PCSK5: variants seen among roughly 807,000 people sequenced by gnomAD.
The protein encoded by PCSK5 is proprotein convertase subtilisin/kexin type 5, also known as prohormone convertase 5.
A neutral mutation model predicts 233.2 loss-of-function variants in PCSK5; 129 were observed. The ratio of observed to expected loss-of-function variants is 0.55; its 90% CI spans 0.48 to 0.64. The LOEUF (loss-of-function observed/expected upper bound fraction) is 0.64. Among genes scored for constraint, PCSK5 ranks in the 30% least tolerant of loss-of-function variants. The probability of loss-of-function intolerance (pLI) is 0.00; values close to 1 mark genes in which losing one functional copy is unlikely to be tolerated. For missense variants in PCSK5, 2,076 were observed against 2,430.1 expected (o/e 0.85, Z 3.06); for synonymous variants, 825 against 879.2 (o/e 0.94, Z 1.09).
chr9:76,152,908 G>A (rs1823733269), intron 10 of PCSK5, among the ~76,000 whole-genome samples: 1 of 152,084 alleles, frequency 6.6e-6, no homozygotes, highest in Non-Finnish European at 1.5e-5. Context: ...CAGCACTTCC[G>A]GTCTCATCAG....
intron 2 of PCSK5, among the ~76,000 whole-genome samples, chr9:75,983,048 A>G (rs1473371812): frequency 2.0e-5 from 3 of 152,164 alleles, no homozygotes; most frequent in African/African-American, 7.2e-5. Flanking sequence ...CTGATTTAGA[A>G]TAATACCATT....
chr9:75,914,955 C>T (rs1420682284), intron 1 of PCSK5, among the ~76,000 whole-genome samples: 2 of 152,130 alleles, frequency 1.3e-5, no homozygotes, highest in Non-Finnish European at 2.9e-5. Flanking sequence ...AAATATTCCA[C>T]ACTTTGATAC....
At position 76,332,333 on chromosome 9, in the gene PCSK5, A is replaced by G. The variant is rs1238991836; in HGVS notation, c.4571-100A>G. 11 of 769,540 alleles carry G rather than the reference A, an allele frequency of 1.4e-5. No homozygotes were observed. The East Asian group carries it at 2.6e-4, about 18-fold the overall frequency. The allele number at this position is 769,540 out of a possible 1,614,324, so 47.7% of individuals were successfully genotyped here. A position where few individuals can be genotyped will look rare whatever the true frequency, so the allele number is the denominator to read the frequency against. ...CACAGGATCATCCCATTCCTCCTGCAGCCCTCTCCTCCCTCCCGCCATGGT... is the reference window on the plus strand; with the variant it reads ...CACAGGATCATCCCATTCCTCCTGCGGCCCTCTCCTCCCTCCCGCCATGGT... On this transcript the variant is annotated intron_variant, in intron 33 of 37. Coordinates refer to ENST00000674117, the MANE Select transcript of PCSK5 (RefSeq NM_001372043.1).
In PCSK5 at chr9:76,310,800, C is replaced by T. The variant is rs776873991; in HGVS notation, c.3833C>T (p.Pro1278Leu). 14 of 1,611,320 alleles carry T rather than the reference C, an allele frequency of 8.7e-6. No homozygotes were observed. The highest frequency in any genetic ancestry group is 2.2e-5 in the East Asian group (1 of 44,804). ...ADLCKKCQMQ[P>L]GHPLFLHEGR... Reference sequence around the variant, plus strand: ...CTTTGCAAAAAATGCCAGATGCAGCCGGGCCACCCTCTCTTCCTCCATGAA... The same window carrying T: ...CTTTGCAAAAAATGCCAGATGCAGCTGGGCCACCCTCTCTTCCTCCATGAA... The change falls in exon 30 of 38, where the codon CCG becomes CTG. Residue 1278 changes from proline (P) to leucine (L), a missense_variant. By Grantham distance (98) the Pro-to-Leu change is moderately conservative. Coordinates refer to ENST00000674117, the MANE Select transcript of PCSK5 (RefSeq NM_001372043.1).
At chr9:75,967,563 G>T (rs1440585491) in intron 2 of PCSK5, among the ~76,000 whole-genome samples, 1 of 152,114 alleles carries the variant, frequency 6.6e-6, no homozygotes, top group Non-Finnish European at 1.5e-5. Context: ...ATTAAGCTTG[G>T]GTGCCTATTT....
chr9:76,144,795 T>C (rs1028792196), intron 10 of PCSK5, among the ~76,000 whole-genome samples: 6 of 152,192 alleles, frequency 3.9e-5, no homozygotes, highest in African/African-American at 1.4e-4. Context: ...TGTTTCTTCA[T>C]TGGCAAAATA....
chr9:76,067,125 G>A (rs1260604941), intron 5 of PCSK5, among the ~76,000 whole-genome samples: 2 of 152,144 alleles, frequency 1.3e-5, no homozygotes, highest in Non-Finnish European at 2.9e-5. Flanking sequence ...TAAGCAAATT[G>A]TACTTTATAC....
chr9:76,149,673 G>C (rs910114121), intron 10 of PCSK5, among the ~76,000 whole-genome samples: 2 of 151,972 alleles, frequency 1.3e-5, no homozygotes, highest in African/African-American at 4.8e-5. Flanking sequence ...TTTTTATCTT[G>C]TTCTCATCTT....
At position 76,239,025 on chromosome 9, in the gene PCSK5, A is replaced by G. The variant is rs1826343779; in HGVS notation, c.2933A>G (p.Tyr978Cys). ...GGAGATAGCTGCCCAGAGGGCCACT[A>G]TGCCACTGAGGGGAACACCTGCCTG... is the stretch of plus-strand genomic sequence containing the variant. ...ECGDSCPEGHYATEGNTCLPC... is the reference protein window; with the variant it reads ...ECGDSCPEGHCATEGNTCLPC... Residue 978 changes from tyrosine (Y) to cysteine (C), a missense_variant, in exon 23 of 38, where the codon TAT becomes TGT. Physicochemically the swap from Tyr to Cys is radical, Grantham distance 194 (BLOSUM62 -2). Coordinates refer to ENST00000674117, the MANE Select transcript of PCSK5 (RefSeq NM_001372043.1). 1 of 1,612,166 alleles carries G rather than the reference A, an allele frequency of 6.2e-7. No individual in the cohort carries two copies. Among genetic ancestry groups the G allele is most frequent in the Non-Finnish European group, 8.5e-7 (1 of 1,179,662 alleles).
chr9:76,187,056 ATAAAT>A (rs1382888418), intron 17 of PCSK5, among the ~76,000 whole-genome samples: 1 of 152,200 alleles, frequency 6.6e-6, no homozygotes, highest in Non-Finnish European at 1.5e-5. Flanking sequence ...CAGGAAGGAA[ATAAAT>A]TAAATGCTAA....
intron 3 of PCSK5, among the ~76,000 whole-genome samples, chr9:76,020,215 A>G (rs1317462759): frequency 6.6e-6 from 1 of 152,202 alleles, no homozygotes; most frequent in Admixed American, 6.5e-5. Context: ...TGTAACATAG[A>G]TTCCTGTCAA....
At chr9:76,072,944 T>C (rs967535430) in intron 7 of PCSK5, among the ~76,000 whole-genome samples, 15 of 152,230 alleles carry the variant, frequency 9.9e-5, no homozygotes, top group African/African-American at 3.6e-4. Flanking sequence ...CTTATCATAT[T>C]GTGCTTTATA....
chr9:76,106,852 G>T (rs1483924002), intron 8 of PCSK5, among the ~76,000 whole-genome samples: 2 of 152,184 alleles, frequency 1.3e-5, no homozygotes, highest in Non-Finnish European at 2.9e-5. Context: ...TCAGTGTCTG[G>T]ATTTGATACA....
intron 3 of PCSK5, among the ~76,000 whole-genome samples, chr9:75,987,318 T>C (rs373577679): frequency 5.3e-5 from 8 of 152,184 alleles, no homozygotes; most frequent in African/African-American, 1.7e-4. Context: ...TTCCCTCCTC[T>C]GGTCTCTTGG....
At chr9:76,197,250 G>T (rs901060601) in intron 20 of PCSK5, among the ~76,000 whole-genome samples, 4 of 152,160 alleles carry the variant, frequency 2.6e-5, no homozygotes, top group African/African-American at 9.7e-5. Context: ...GTAGAAGAAG[G>T]ATAGTGTGTC....
intron 13 of PCSK5, among the ~76,000 whole-genome samples, chr9:76,171,937 G>C (rs987361882): frequency 3.3e-5 from 5 of 152,034 alleles, no homozygotes; most frequent in African/African-American, 1.2e-4. Context: ...ATGGGTGGGG[G>C]GGTGTGTGTG....
chr9:76,146,806 G>A (rs542844282), intron 10 of PCSK5, among the ~76,000 whole-genome samples: 111 of 152,212 alleles, frequency 7.3e-4, no homozygotes, highest in African/African-American at 2.4e-3. Context: ...TTGAGCTTGA[G>A]TTTCTATGAC....
intron 3 of PCSK5, among the ~76,000 whole-genome samples, chr9:76,006,515 C>T (rs1274437303): frequency 2.6e-5 from 4 of 152,058 alleles, no homozygotes; most frequent in Admixed American, 6.6e-5. Flanking sequence ...AAATCAGATC[C>T]GTTGAGTCTA....
intron 21 of PCSK5, among the ~76,000 whole-genome samples, chr9:76,232,518 C>T (rs1315006992): frequency 6.6e-6 from 1 of 152,202 alleles, no homozygotes; most frequent in Non-Finnish European, 1.5e-5. Flanking sequence ...CTGGCATCAT[C>T]TGGAATGCCA....
Sources: allele counts gnomAD v4.1 joint callset (sites outside exome capture counted in the v4.1 genomes callset), GRCh38; gene constraint gnomAD v4.1.1; transcripts MANE v1.5; gene names NCBI Gene and HGNC (gene_info 2026-07-23, HGNC 2026-07-21).